Variants in ABCA2 observed in about 807,000 individuals in gnomAD.
ABCA2 encodes the protein ATP-binding cassette sub-family A member 2.
In ABCA2, 84 loss-of-function variants were observed where a neutral mutation model predicts 262.8. The observed-to-expected ratio is 0.32, with a 90% CI of 0.27 to 0.38. ABCA2 has a LOEUF of 0.38. ABCA2 is among the 10% of genes least tolerant of loss of function. The pLI, the probability that ABCA2 is intolerant of heterozygous loss-of-function variation, is 1.00. For missense variants in ABCA2, 2,662 were observed against 3,405.9 expected (o/e 0.78, Z 5.44); for synonymous variants, 1,696 against 1,502.9 (o/e 1.13, Z -2.97).
rs535711146 is a variant in ABCA2 at position 137,012,777 on chromosome 9, G to C, written c.5016C>G (p.Thr1672=). 4 of 1,612,530 alleles carry C rather than the reference G, an allele frequency of 2.5e-6. No homozygotes were observed. Among genetic ancestry groups the C allele is most frequent in the African/African-American group, 2.7e-5 (2 of 74,924 alleles). Residue 1672 remains threonine, a synonymous_variant, in exon 31 of 49, where the codon ACC becomes ACG. Coordinates refer to ENST00000341511, the MANE Select transcript of ABCA2 (RefSeq NM_001606.5). ...QMRVVTGDIL[T]DITGHNVSEY... Reference sequence around the variant, plus strand: ...CAGAGACATTGTGGCCGGTGATGTCGGTCAGGATGTCGCCTGTGACCACCC... The same window carrying C: ...CAGAGACATTGTGGCCGGTGATGTCCGTCAGGATGTCGCCTGTGACCACCC...
In ABCA2 at chr9:137,020,509, CA is replaced by C. The variant is rs771457978; in HGVS notation, c.1266-15del. On this transcript the variant is annotated splice_polypyrimidine_tract_variant and intron_variant, in intron 9 of 48. Coordinates refer to ENST00000341511, the MANE Select transcript of ABCA2 (RefSeq NM_001606.5). ...GGTTCAATGGTGCTGGGGTAGGGGA[CA>C]GGGGGCCGGGCCAGGCCGTTAGGGG... 3.2e-6 allele frequency: 5 copies of C among 1,576,360 alleles called. No homozygotes were observed. The highest frequency in any genetic ancestry group is 4.5e-5 in the East Asian group (2 of 44,482).
At position 137,017,906 on chromosome 9, in the gene ABCA2, G is replaced by C. The variant is rs373947893; in HGVS notation, c.2097-5C>G. On this transcript the variant is annotated splice_polypyrimidine_tract_variant and splice_region_variant and intron_variant, in intron 15 of 48. Coordinates refer to ENST00000341511, the MANE Select transcript of ABCA2 (RefSeq NM_001606.5). ...TGCTCAATGACAAACAGGAAGCTGC[G>C]GGGAGGCCGCGCTCAGGCGCCACTC... 3.1e-4 allele frequency: 503 copies of C among 1,612,314 alleles called. No individual in the cohort carries two copies. Among genetic ancestry groups the C allele is most frequent in the Non-Finnish European group, 3.8e-4 (449 of 1,179,826 alleles).
In ABCA2 at chr9:137,008,668, A is replaced by G. The variant is rs773083230; in HGVS notation, c.7069-46T>C. The G allele has an allele frequency of 1.1e-3, 653 of 611,336 alleles. 8 individuals carry two copies. In the South Asian group the frequency reaches 0.016, roughly 15 times the overall value. The allele number at this position is 611,336 out of a possible 1,614,324, so 37.9% of individuals were successfully genotyped here. A position where few individuals can be genotyped will look rare whatever the true frequency, so the allele number is the denominator to read the frequency against. On this transcript the variant is annotated intron_variant, in intron 47 of 48. Coordinates refer to ENST00000341511, the MANE Select transcript of ABCA2 (RefSeq NM_001606.5). ...GTGGGGAGGGGGCTGGTCTGGGGTGAGGAGGGGCAGGGCGGGTGAGGGGAG... is the reference window on the plus strand; with the variant it reads ...GTGGGGAGGGGGCTGGTCTGGGGTGGGGAGGGGCAGGGCGGGTGAGGGGAG...
At chr9:137,026,354 G>C (rs1378357694) in intron 1 of ABCA2, among the ~76,000 whole-genome samples, 2 of 152,208 alleles carry the variant, frequency 1.3e-5, no homozygotes, top group Non-Finnish European at 2.9e-5. Context: ...GCAAACCTCT[G>C]TCATCCAAGC....
intron 3 of ABCA2, 110 bp downstream of exon 3, chr9:137,023,728 G>A (rs1831557389): frequency 2.8e-6 from 2 of 709,138 alleles, no homozygotes; most frequent in Non-Finnish European, 5.2e-6. Flanking sequence ...CCGGCAGGGG[G>A]CCCGGGAGGG....
chr9:137,018,379 A>C, intron 13 of ABCA2, 28 bp from the exon 14 acceptor site: 1 of 1,306,188 alleles, frequency 7.7e-7, no homozygotes. Context: ...GGGCGGGGCC[A>C]AGATGCAGGG....
chr9:137,024,796 CCT>C (rs1831594519), intron 1 of ABCA2, among the ~76,000 whole-genome samples: 1 of 150,716 alleles, frequency 6.6e-6, no homozygotes, highest in Non-Finnish European at 1.5e-5. Context: ...AGCAAAGGCA[CCT>C]TTTTTTTTTT....
Position 137,021,776 on chromosome 9 carries a change from C to T in ABCA2, c.678+115G>A. 1 of 1,260,264 alleles carries T rather than the reference C, an allele frequency of 7.9e-7. No homozygotes were observed. The highest frequency in any genetic ancestry group is 1.1e-6 in the Non-Finnish European group (1 of 894,464). The allele number at this position is 1,260,264 out of a possible 1,614,324, so 78.1% of individuals were successfully genotyped here. ...TGCCATAGACCCCTGGGACCCTCCC[C>T]CTCTCCCAGGAGGAGCTCCAAGTCA... On this transcript the variant is annotated intron_variant, in intron 7 of 48. Transcript: ENST00000341511. The surrounding 1 kb of genome is among the most constrained non-coding windows in gnomAD (Gnocchi z 6.0).
chr9:137,013,955 C>T lies in ABCA2; in HGVS notation c.4324G>A (p.Gly1442Arg). ...CAGTGGAAGCGTTTGACCAGCAGCC[C>T]GTGGAACTGGCGCACCTTCAGCCAC... ...GGWLKVRQFHGLLVKRFHCAR... is the reference protein window; with the variant it reads ...GGWLKVRQFHRLLVKRFHCAR... The change falls in exon 28 of 49, where the codon GGG becomes AGG. Residue 1442 changes from glycine (G) to arginine (R), a missense_variant. Physicochemically the swap from Gly to Arg is moderately radical, Grantham distance 125 (BLOSUM62 -2). Transcript: ENST00000341511. The T allele has an allele frequency of 2.5e-6, 4 of 1,612,220 alleles. No individual in the cohort carries two copies. The highest frequency in any genetic ancestry group is 2.5e-6 in the Non-Finnish European group (3 of 1,179,880).
chr9:137,027,074 G>A (rs1477179886), intron 1 of ABCA2, among the ~76,000 whole-genome samples: 1 of 152,232 alleles, frequency 6.6e-6, no homozygotes, highest in Non-Finnish European at 1.5e-5. Flanking sequence ...AGCCCAAGGG[G>A]TCCCGCCCGG....
intron 25 of ABCA2, 25 bp from the exon 26 acceptor site, chr9:137,014,835 C>A: frequency 6.3e-7 from 1 of 1,592,112 alleles, no homozygotes; most frequent in Non-Finnish European, 8.5e-7. Context: ...GAGGGGGAGG[C>A]TGCGGCAGGG....
chr9:137,020,246 C>T (rs1359040002), intron 10 of ABCA2, 90 bp downstream of exon 10: 8 of 1,565,954 alleles, frequency 5.1e-6, no homozygotes, highest in South Asian at 1.1e-5. Flanking sequence ...CGTGTCAATT[C>T]TGCCGACACC....
At chr9:137,010,586 C>A (rs1309768118) in intron 40 of ABCA2, 34 bp downstream of exon 40, 3 of 1,326,452 alleles carry the variant, frequency 2.3e-6, no homozygotes, top group African/African-American at 2.9e-5. Context: ...TGGCCTACCC[C>A]ACCCAGGCCC....
At position 137,007,959 on chromosome 9, in the gene ABCA2, C is replaced by A; in HGVS notation, c.7281G>T (p.Gln2427His). The A allele has an allele frequency of 6.2e-7, 1 of 1,605,010 alleles. No individual in the cohort carries two copies. The highest frequency in any genetic ancestry group is 8.5e-7 in the Non-Finnish European group (1 of 1,179,730). Residue 2427 changes from glutamine to histidine, a missense_variant, in exon 49 of 49, where the codon CAG (glutamine) becomes CAT (histidine). Physicochemically the swap from Gln to His is conservative, Grantham distance 24. Around this residue, in one of 12 missense-constraint regions of ABCA2, gnomAD observed 212 missense variants for 214.4 expected, o/e 0.99. Transcript: ENST00000341511. ...AGAGCGTGTCCGTGTTGAAGGACAGCTGGGCCTGTGCACAGGGGAGGTCAG... is the reference window on the plus strand; with the variant it reads ...AGAGCGTGTCCGTGTTGAAGGACAGATGGGCCTGTGCACAGGGGAGGTCAG... ...GLISFEEERAQLSFNTDTLC is the reference protein window; with the variant it reads ...GLISFEEERAHLSFNTDTLC
Position 137,020,224 on chromosome 9 carries a change from C to T in ABCA2, c.1425+112G>A, listed in dbSNP as rs1162794760. 4 of 1,459,382 alleles carry T rather than the reference C, an allele frequency of 2.7e-6. No individual in the cohort carries two copies. The African/African-American group carries it at 4.2e-5, about 15-fold the overall frequency. The allele number at this position is 1,459,382 out of a possible 1,614,324, so 90.4% of individuals were successfully genotyped here. On this transcript the variant is annotated intron_variant, in intron 10 of 48. Coordinates refer to ENST00000341511, the MANE Select transcript of ABCA2 (RefSeq NM_001606.5). ...CCTGTGTCCCATCCGAAGCTGCACCCCGTACCCCTCCCGTGTCAATTCTGC... is the reference window on the plus strand; with the variant it reads ...CCTGTGTCCCATCCGAAGCTGCACCTCGTACCCCTCCCGTGTCAATTCTGC...
chr9:137,014,320 C>T lies in ABCA2; in HGVS notation c.4088G>A (p.Cys1363Tyr), dbSNP rs537094431. 23 of 1,609,764 alleles carry T rather than the reference C, an allele frequency of 1.4e-5. 1 individual carries two copies. The highest frequency in any genetic ancestry group is 9.3e-5 in the African/African-American group (7 of 75,000). The change falls in exon 27 of 49, where the codon TGC (cysteine) becomes TAC (tyrosine). Residue 1363 changes from cysteine (C) to tyrosine (Y), a missense_variant. Around this residue, in one of 12 missense-constraint regions of ABCA2, gnomAD observed 297 missense variants for 286.5 expected, o/e 1.04. Coordinates refer to ENST00000341511, the MANE Select transcript of ABCA2 (RefSeq NM_001606.5). ...TGCCTGCGACTGGGTCAGCTCCGAG[C>T]ACCGGGCCAGATTGCCAGCGTGACC... Reference protein sequence around the residue: ...GEGHAGNLARCSELTQSQASL... With the variant: ...GEGHAGNLARYSELTQSQASL...
At chr9:137,010,566 C>A (rs1831001192) in intron 40 of ABCA2, 54 bp downstream of exon 40, 1 of 1,582,164 alleles carries the variant, frequency 6.3e-7, no homozygotes, top group South Asian at 1.1e-5. Context: ...GGGCCCCACC[C>A]CCCTGGCCCT....
rs1387859536 is a variant in ABCA2 at position 137,016,037 on chromosome 9, G to A, written c.3242C>T (p.Thr1081Met). Residue 1081 changes from threonine to methionine, a missense_variant, in exon 22 of 49, where the codon ACG (threonine) becomes ATG (methionine). Physicochemically the swap from Thr to Met is moderately conservative, Grantham distance 81. Around this residue, in one of 12 missense-constraint regions of ABCA2, gnomAD observed 180 missense variants for 307.3 expected, o/e 0.59. Transcript: ENST00000341511. Reference sequence around the variant, plus strand: ...GTAGAACCAGAGGTGTTCCTCCACCGTGAGCCGGTCAAAGAGCACATTGTG... The same window carrying A: ...GTAGAACCAGAGGTGTTCCTCCACCATGAGCCGGTCAAAGAGCACATTGTG... ...PQHNVLFDRL[T>M]VEEHLWFYSR... The A allele has an allele frequency of 6.2e-6, 10 of 1,608,738 alleles. No homozygotes were observed. Among genetic ancestry groups the A allele is most frequent in the Non-Finnish European group, 5.1e-6 (6 of 1,179,070 alleles).
In ABCA2 at chr9:137,012,694, C is replaced by G. The variant is rs944558956; in HGVS notation, c.5081+18G>C. ...GGTGGCCGGCCACCCTCACCCACAG[C>G]CTCCCCACCCAGCTCACCGGTGCAG... On this transcript the variant is annotated intron_variant, in intron 31 of 48. Coordinates refer to ENST00000341511, the MANE Select transcript of ABCA2 (RefSeq NM_001606.5). The G allele has an allele frequency of 2.5e-6, 4 of 1,611,746 alleles. No homozygotes were observed. The highest frequency in any genetic ancestry group is 3.4e-6 in the Non-Finnish European group (4 of 1,179,332).
Sources: gnomAD v4.1 joint callset for allele counts (sites outside exome capture counted in the v4.1 genomes callset) on GRCh38, gnomAD v4.1.1 for gene constraint, gnomAD v4.1.1 regional missense constraint, Gnocchi (gnomAD v3.1) non-coding constraint, MANE v1.5 for transcripts, NCBI Gene and HGNC (gene_info 2026-07-23, HGNC 2026-07-21) for gene names.